Variants in HTR4 observed in about 807,000 individuals in gnomAD.
HTR4 encodes the protein 5-hydroxytryptamine (serotonin) receptor 4, G protein-coupled.
HTR4 carries 16 observed loss-of-function variants against 36.8 expected under a neutral mutation model. That is an observed-to-expected ratio of 0.43 (90% CI 0.29 to 0.66). HTR4 has a LOEUF of 0.66. Ranked by LOEUF, HTR4 falls within the 30% of genes least tolerant of loss-of-function variation. The pLI, the probability that HTR4 is intolerant of heterozygous loss-of-function variation, is 0.13. For synonymous variants in HTR4, 189 were observed against 185.1 expected (o/e 1.02, Z -0.17); for missense variants, 438 against 490.9 (o/e 0.89, Z 1.02).
intron 1 of HTR4, among the ~76,000 whole-genome samples, chr5:148,648,492 G>T (rs997321674): frequency 6.6e-6 from 1 of 152,190 alleles, no homozygotes; most frequent in Non-Finnish European, 1.5e-5. Context: ...TGCCCAATGT[G>T]CAGGAACCTC....
chr5:148,624,835 A>G (rs1421030676), intron 2 of HTR4, among the ~76,000 whole-genome samples: 2 of 152,174 alleles, frequency 1.3e-5, no homozygotes, highest in African/African-American at 4.8e-5. Context: ...TTGCCTAAAG[A>G]GTTAAAAAAT....
intron 2 of HTR4, among the ~76,000 whole-genome samples, chr5:148,620,061 T>C (rs1581556719): frequency 1.3e-5 from 2 of 152,128 alleles, no homozygotes; most frequent in Admixed American, 6.5e-5. Context: ...AGAGGTAATG[T>C]AAGCAAAAGA....
intron 6 of HTR4, among the ~76,000 whole-genome samples, chr5:148,501,433 A>G (rs1462435661): frequency 6.6e-6 from 1 of 152,192 alleles, no homozygotes; most frequent in East Asian, 1.9e-4. Flanking sequence ...TTTTGGTTTT[A>G]TATTTCTTCA....
chr5:148,617,870 A>G (rs186094221), intron 2 of HTR4, among the ~76,000 whole-genome samples: 2 of 152,252 alleles, frequency 1.3e-5, no homozygotes, highest in African/African-American at 4.8e-5. Flanking sequence ...AGCAAAAGGC[A>G]AAGTATGGCT....
intron 5 of HTR4, among the ~76,000 whole-genome samples, chr5:148,512,777 C>T (rs1474558794): frequency 6.6e-6 from 1 of 151,960 alleles, no homozygotes; most frequent in African/African-American, 2.4e-5. Flanking sequence ...TAAAAAAATA[C>T]AAAAATTAGC....
intron 2 of HTR4, among the ~76,000 whole-genome samples, chr5:148,558,116 C>T (rs537486463): frequency 8.6e-4 from 130 of 152,038 alleles, no homozygotes; most frequent in African/African-American, 3.0e-3. Context: ...CAGCCCTGCA[C>T]AGTCTTTTGC....
At chr5:148,590,300 T>TTTTTTTTTTTTTTTTTTTTTTTG (rs1761513541) in intron 2 of HTR4, among the ~76,000 whole-genome samples, 1 of 126,052 alleles carries the variant, frequency 7.9e-6, no homozygotes, top group Admixed American at 7.8e-5. Context: ...TTTTTTTTTT[T>TTTTTTTTTTTTTTTTTTTTTTTG]TTTTTTTTTT....
chr5:148,562,472 T>A (rs1216049895), intron 2 of HTR4, among the ~76,000 whole-genome samples: 1 of 152,096 alleles, frequency 6.6e-6, no homozygotes, highest in Non-Finnish European at 1.5e-5. Context: ...ATCTTGCTCA[T>A]TTTTTTCTTC....
chr5:148,486,781 T>C (rs146923850), intron 6 of HTR4, among the ~76,000 whole-genome samples: 146 of 152,302 alleles, frequency 9.6e-4, no homozygotes, highest in African/African-American at 3.3e-3. Context: ...GAGGGTAATT[T>C]TGGATTTGTA....
chr5:148,560,997 CT>C (rs1760177925), intron 2 of HTR4, among the ~76,000 whole-genome samples: 2 of 151,978 alleles, frequency 1.3e-5, no homozygotes. Flanking sequence ...AGGAATAAAC[CT>C]TGTAGGATGG....
chr5:148,506,448 G>A (rs4554203), intron 6 of HTR4, among the ~76,000 whole-genome samples: 68,998 of 151,810 alleles, frequency 0.45, 16,055 homozygotes, highest in African/African-American at 0.56. Context: ...AATACCATTC[G>A]GGACATAGGA....
downstream of HTR4, among the ~76,000 whole-genome samples, chr5:148,473,686 G>T (rs192346985): frequency 1.3e-4 from 20 of 152,124 alleles, no homozygotes; most frequent in Admixed American, 1.2e-3. Flanking sequence ...CTCTAACAGC[G>T]CAAAAACACT....
chr5:148,650,907 C>A (rs1754014318), intron 1 of HTR4, among the ~76,000 whole-genome samples: 1 of 152,164 alleles, frequency 6.6e-6, no homozygotes, highest in African/African-American at 2.4e-5. Flanking sequence ...TATCTAAGCT[C>A]TTTTCTACCC....
intron 2 of HTR4, among the ~76,000 whole-genome samples, chr5:148,590,154 A>G (rs1761503944): frequency 6.6e-6 from 1 of 152,110 alleles, no homozygotes; most frequent in African/African-American, 2.4e-5. Flanking sequence ...TCTGCCTACC[A>G]TAATGCCATA....
At chr5:148,632,882 T>C (rs1035472072) in intron 2 of HTR4, among the ~76,000 whole-genome samples, 1 of 152,156 alleles carries the variant, frequency 6.6e-6, no homozygotes, top group Non-Finnish European at 1.5e-5. Flanking sequence ...TTAAGTGTTT[T>C]AGGGCTGAAT....
At chr5:148,625,085 C>T (rs925896053) in intron 2 of HTR4, among the ~76,000 whole-genome samples, 2 of 151,828 alleles carry the variant, frequency 1.3e-5, no homozygotes, top group African/African-American at 4.8e-5. Flanking sequence ...CTTTGAGGTG[C>T]AAGTAGGAAA....
intron 2 of HTR4, among the ~76,000 whole-genome samples, chr5:148,609,598 A>C (rs1554100053): frequency 8.7e-6 from 1 of 114,794 alleles, no homozygotes; most frequent in Non-Finnish European, 1.8e-5. Context: ...TTTTTTTTTG[A>C]GACTCCGCCC....
Position 148,482,977 on chromosome 5 carries a change from GTT to G in HTR4, c.*224_*225del. On this transcript the variant is annotated 3_prime_UTR_variant, in exon 7 of 7. Transcript: ENST00000377888. ...AGCAGAGAATCTGGGAAGAGGGAGTGTTGGGAAATAAAAAGTGAACAAGGAGG... is the reference window on the plus strand; with the variant it reads ...AGCAGAGAATCTGGGAAGAGGGAGTGGGGAAATAAAAAGTGAACAAGGAGG... The G allele has an allele frequency of 7.1e-7, 1 of 1,407,698 alleles. No homozygotes were observed. The highest frequency in any genetic ancestry group is 9.3e-7 in the Non-Finnish European group (1 of 1,079,304). 87.2% of individuals were successfully genotyped at this position (1,407,698 alleles called of 1,614,324 possible).
chr5:148,606,021 A>G lies in HTR4; in HGVS notation c.26+30968T>C, dbSNP rs185824824. ...TGCCCTCTGGGTCTCAGAATCTGGT[A>G]GAAGAGAAGTTCAACAGATAAATGA... On this transcript the variant is annotated intron_variant, in intron 2 of 6. Coordinates refer to ENST00000377888, the MANE Select transcript of HTR4 (RefSeq NM_000870.7). Among the ~76,000 whole-genome samples, 11 of 152,330 alleles carry G rather than the reference A, an allele frequency of 7.2e-5. No individual in the cohort carries two copies. In the East Asian group the frequency reaches 2.1e-3, roughly 29 times the overall value.
Sources: allele counts gnomAD v4.1 joint callset (sites outside exome capture counted in the v4.1 genomes callset), GRCh38; gene constraint gnomAD v4.1.1; transcripts MANE v1.5; gene names NCBI Gene and HGNC (gene_info 2026-07-23, HGNC 2026-07-21).